The following DST variants were observed in gnomAD, a reference collection of about 807,000 sequenced individuals.
DST encodes bullous pemphigoid antigen.
A neutral mutation model predicts 875.2 loss-of-function variants in DST; 253 were observed. That is an observed-to-expected ratio of 0.29 (90% CI 0.26 to 0.32). The LOEUF is 0.32. Ranked by LOEUF, DST falls within the 10% of genes least tolerant of loss-of-function variation. DST has a pLI of 1.00. For synonymous variants in DST, 3,124 were observed against 3,197.1 expected (o/e 0.98, Z 0.77); for missense variants, 8,287 against 9,111.6 (o/e 0.91, Z 3.68).
intron 3 of DST, among the ~76,000 whole-genome samples, chr6:56,868,023 C>T (rs1393408204): frequency 6.6e-6 from 1 of 152,124 alleles, no homozygotes; most frequent in East Asian, 1.9e-4. Flanking sequence ...CTTTAATACT[C>T]CCATAAATTC....
chr6:56,607,967 G>C lies in DST; in HGVS notation c.6661C>G (p.Leu2221Val). ...GCCTCATCCAAGTCTCCATCGTACA[G>C]CAAAAGCCTTTGCCCTGTGTTTGCA... is the stretch of plus-strand genomic sequence containing the variant. The part of the protein sequence containing the change: ...MDANTGQRLL[L>V]YDGDLDEAVG... Residue 2221 changes from leucine (L) to valine (V), a missense_variant, in exon 40 of 104, where the codon CTG (leucine) becomes GTG (valine). This residue lies in a region of DST where 3,138 missense variants were observed against 3,116.6 expected (regional missense o/e 1.01). Coordinates refer to ENST00000680361, the MANE Select transcript of DST (RefSeq NM_001374736.1). 1.2e-6 allele frequency: 2 copies of C among 1,613,538 alleles called. No homozygotes were observed. Among genetic ancestry groups the C allele is most frequent in the Non-Finnish European group, 1.7e-6 (2 of 1,179,694 alleles).
At chr6:56,667,594 G>T (rs1422621861) in intron 10 of DST, among the ~76,000 whole-genome samples, 1 of 151,966 alleles carries the variant, frequency 6.6e-6, no homozygotes, top group Non-Finnish European at 1.5e-5. Flanking sequence ...CTTAACAAAG[G>T]AAAATAAAGC....
At chr6:56,794,449 G>A (rs1034909054) in intron 4 of DST, among the ~76,000 whole-genome samples, 1 of 152,170 alleles carries the variant, frequency 6.6e-6, no homozygotes, top group Admixed American at 6.5e-5. Flanking sequence ...GCATTTGGTA[G>A]CTGGAAAACC....
intron 3 of DST, among the ~76,000 whole-genome samples, chr6:56,875,227 G>A (rs910705987): frequency 2.6e-5 from 4 of 151,786 alleles, no homozygotes; most frequent in Admixed American, 6.6e-5. Context: ...CTCGTGATCC[G>A]CCCGCCTCAG....
chr6:56,799,630 G>GTT (rs548400554), intron 4 of DST, among the ~76,000 whole-genome samples: 3 of 142,916 alleles, frequency 2.1e-5, no homozygotes, highest in Non-Finnish European at 3.1e-5. Flanking sequence ...GTTTGGTTTT[G>GTT]TTTTTTTTTT....
At chr6:56,489,285 G>T (rs1427450388) in intron 86 of DST, among the ~76,000 whole-genome samples, 1 of 152,074 alleles carries the variant, frequency 6.6e-6, no homozygotes, top group African/African-American at 2.4e-5. Flanking sequence ...AATTAACCTG[G>T]GAATCATTAG....
At chr6:56,564,916 G>T (rs75398535) in intron 55 of DST, among the ~76,000 whole-genome samples, 1 of 152,068 alleles carries the variant, frequency 6.6e-6, no homozygotes, top group African/African-American at 2.4e-5. Flanking sequence ...GGATAAAGCC[G>T]ATTTTATCGT....
intron 2 of DST, among the ~76,000 whole-genome samples, chr6:56,940,299 A>G (rs748358742): frequency 8.6e-5 from 13 of 151,944 alleles, no homozygotes; most frequent in Non-Finnish European, 1.3e-4. Flanking sequence ...ATATAAAAAT[A>G]TGTACATATA....
chr6:56,469,044 G>A (rs533174034), intron 97 of DST, 45 bp from the exon 98 acceptor site: 1 of 1,504,368 alleles, frequency 6.6e-7, no homozygotes, highest in African/African-American at 1.4e-5. Context: ...TAGTTCAACA[G>A]GAAACTTTCT....
intron 9 of DST, among the ~76,000 whole-genome samples, chr6:56,678,103 T>C (rs953607088): frequency 3.9e-5 from 6 of 152,198 alleles, no homozygotes; most frequent in Non-Finnish European, 8.8e-5. Context: ...TAGGCCAGTC[T>C]TGCTCTCTGG....
intron 39 of DST, among the ~76,000 whole-genome samples, chr6:56,610,072 A>G (rs2098532255): frequency 6.6e-6 from 1 of 152,202 alleles, no homozygotes; most frequent in South Asian, 2.1e-4. Flanking sequence ...AATCTCTAAC[A>G]CATCAATGCC....
chr6:56,852,002 C>A, intron 3 of DST: 1 of 1,440,474 alleles, frequency 6.9e-7, no homozygotes, highest in Non-Finnish European at 9.1e-7. Flanking sequence ...CCATTACTAG[C>A]CTGCTGCTTA....
intron 49 of DST, among the ~76,000 whole-genome samples, chr6:56,583,256 T>C (rs2098063231): frequency 6.6e-6 from 1 of 152,234 alleles, no homozygotes; most frequent in Non-Finnish European, 1.5e-5. Flanking sequence ...CTCCAGCACC[T>C]GTTGTTTCCT....
intron 2 of DST, among the ~76,000 whole-genome samples, chr6:56,915,878 T>C (rs1448485286): frequency 6.6e-6 from 1 of 152,222 alleles, no homozygotes; most frequent in East Asian, 1.9e-4. Context: ...GCCATATCAA[T>C]AGCAACCCCA....
In DST at chr6:56,490,793, T is replaced by C. The variant is rs147434780; in HGVS notation, c.20758-1184A>G. Among the ~76,000 whole-genome samples the C allele has an allele frequency of 1.4e-4, 22 of 152,298 alleles. No individual in the cohort carries two copies. The East Asian group carries it at 4.0e-3, about 28-fold the overall frequency. The stretch of plus-strand genomic sequence containing the variant: ...AACAGTTGGATGGTAAGGTCAATGA[T>C]ACAAACGCACAAGTTCTGAGGCTGG... On this transcript the variant is annotated intron_variant, in intron 85 of 103. Coordinates refer to ENST00000680361, the MANE Select transcript of DST (RefSeq NM_001374736.1).
At chr6:56,808,165 C>T (rs930079106) in intron 4 of DST, among the ~76,000 whole-genome samples, 2 of 152,044 alleles carry the variant, frequency 1.3e-5, no homozygotes, top group Non-Finnish European at 2.9e-5. Context: ...ATCCAAGTAA[C>T]ACCCCATGAC....
intron 10 of DST, among the ~76,000 whole-genome samples, chr6:56,656,754 G>T (rs1484941732): frequency 1.3e-5 from 2 of 152,160 alleles, no homozygotes; most frequent in East Asian, 3.8e-4. Context: ...ATATGAAGCT[G>T]AGAATACATA....
rs1417159006 is a variant in DST, at chr6:56,532,526, T to A, written c.16942-16A>T. ...TCTGGAGAAGCTTGAGACAAAACAT[T>A]AAATATAAAAAAGCAAGGGAATAAT... On this transcript the variant is annotated splice_polypyrimidine_tract_variant and intron_variant, in intron 63 of 103. Coordinates refer to ENST00000680361, the MANE Select transcript of DST (RefSeq NM_001374736.1). 6.4e-7 allele frequency: 1 copy of A among 1,552,680 alleles called. No individual in the cohort carries two copies. Among genetic ancestry groups the A allele is most frequent in the Admixed American group, 2.1e-5 (1 of 47,688 alleles).
At chr6:56,638,088 ACTT>A (rs1465288504) in intron 22 of DST, among the ~76,000 whole-genome samples, 5 of 150,720 alleles carry the variant, frequency 3.3e-5, no homozygotes, top group South Asian at 2.1e-4. Context: ...GTTTCATTTT[ACTT>A]CTTAAGAAAT....
Sources: allele counts gnomAD v4.1 joint callset (sites outside exome capture counted in the v4.1 genomes callset), GRCh38; gene constraint gnomAD v4.1.1; regional missense constraint gnomAD v4.1.1; transcripts MANE v1.5; gene names NCBI Gene and HGNC (gene_info 2026-07-23, HGNC 2026-07-21).